The following EPHA7 variants were observed in gnomAD, a reference collection of about 807,000 sequenced individuals.
EPHA7 encodes EPH receptor A7.
Under a neutral mutation model 112.6 loss-of-function variants are expected in EPHA7, and 25 were observed. The observed-to-expected ratio is 0.22, with a 90% confidence interval of 0.16 to 0.31. The LOEUF is 0.31. Ranked by LOEUF, EPHA7 falls within the 10% of genes least tolerant of loss-of-function variation. The pLI, the probability that EPHA7 is intolerant of heterozygous loss-of-function variation, is 1.00. For synonymous variants in EPHA7, 437 were observed against 406.5 expected, an observed-to-expected ratio of 1.07 and a Z score of -0.90; for missense variants, 962 against 1,212.6, an observed-to-expected ratio of 0.79 and a Z score of 3.07.
intron 5 of EPHA7, among the ~76,000 whole-genome samples, chr6:93,304,202 T>C (rs1424676015): frequency 6.6e-6 from 1 of 150,492 alleles, no homozygotes; most frequent in East Asian, 1.9e-4. Flanking sequence ...TAGTATACAT[T>C]GAGCAAGTAT....
At chr6:93,395,036 T>G (rs1336165021) in intron 3 of EPHA7, among the ~76,000 whole-genome samples, 2 of 151,856 alleles carry the variant, frequency 1.3e-5, no homozygotes, top group Non-Finnish European at 2.9e-5. Context: ...TGAGAATTTT[T>G]TTTACAGTAC....
chr6:93,376,635 A>G (rs1777072860), intron 3 of EPHA7, among the ~76,000 whole-genome samples: 1 of 152,164 alleles, frequency 6.6e-6, no homozygotes, highest in Non-Finnish European at 1.5e-5. Context: ...TGTCTTCCGT[A>G]TCAATGTATT....
At chr6:93,312,625 C>G (rs76401614) in intron 5 of EPHA7, among the ~76,000 whole-genome samples, 1 of 152,160 alleles carries the variant, frequency 6.6e-6, no homozygotes, top group East Asian at 1.9e-4. Flanking sequence ...TTCGTGTATT[C>G]ACTGAAGTAG....
At chr6:93,311,293 T>C (rs1393634589) in intron 5 of EPHA7, among the ~76,000 whole-genome samples, 1 of 151,866 alleles carries the variant, frequency 6.6e-6, no homozygotes, top group Non-Finnish European at 1.5e-5. Flanking sequence ...ACAGCAGAAG[T>C]TCTTTCAAAA....
chr6:93,348,282 C>T (rs1192518897), intron 5 of EPHA7, among the ~76,000 whole-genome samples: 1 of 151,458 alleles, frequency 6.6e-6, no homozygotes, highest in Non-Finnish European at 1.5e-5. Context: ...GTGCTGTAGC[C>T]TTAAAGCTGT....
chr6:93,294,942 T>C lies in EPHA7; in HGVS notation c.1325-22520A>G, dbSNP rs142337875. ...TTAATGGTCTTCTCAAAGATTAATA[T>C]TGAAAAGTTTTGAATTGACTTTTTC... On this transcript the variant is annotated intron_variant, in intron 5 of 16. Coordinates refer to ENST00000369303, the MANE Select transcript of EPHA7 (RefSeq NM_004440.4). Among the ~76,000 whole-genome samples, 436 of 152,202 alleles carry C rather than the reference T, an allele frequency of 2.9e-3. 1 individual carries two copies. Among genetic ancestry groups the C allele is most frequent in the African/African-American group, 9.8e-3 (408 of 41,556 alleles).
intron 15 of EPHA7, among the ~76,000 whole-genome samples, chr6:93,245,998 G>A (rs1229076422): frequency 6.6e-6 from 1 of 152,074 alleles, no homozygotes; most frequent in Non-Finnish European, 1.5e-5. Flanking sequence ...TGCAAAGGAT[G>A]AATGGACTCT....
intron 3 of EPHA7, among the ~76,000 whole-genome samples, chr6:93,402,982 A>C (rs1778502776): frequency 6.6e-6 from 1 of 152,076 alleles, no homozygotes. Context: ...GACAGTAAGA[A>C]AGCATGAGAA....
intron 3 of EPHA7, among the ~76,000 whole-genome samples, chr6:93,364,983 C>A (rs938615984): frequency 2.6e-5 from 4 of 152,078 alleles, no homozygotes; most frequent in African/African-American, 9.7e-5. Context: ...GATTGAATTT[C>A]TGAATAGATA....
chr6:93,246,688 T>A, intron 15 of EPHA7, 104 bp downstream of exon 15: 1 of 988,416 alleles, frequency 1.0e-6, no homozygotes, highest in Non-Finnish European at 1.5e-6. Context: ...AGTTTATACG[T>A]CAACACAAAA....
intron 5 of EPHA7, among the ~76,000 whole-genome samples, chr6:93,339,825 CTTTGGGGAATG>C (rs71542013): frequency 0.2 from 29,868 of 151,486 alleles, 3,564 homozygotes; most frequent in Non-Finnish European, 0.27. Context: ...AGTAAAATAA[CTTTGGGGAATG>C]TTTCTGGTTA....
intron 3 of EPHA7, among the ~76,000 whole-genome samples, chr6:93,364,535 CAAAAAA>C (rs35503890): frequency 1.1e-5 from 1 of 90,368 alleles, no homozygotes; most frequent in Non-Finnish European, 2.3e-5. Flanking sequence ...AACTCCGTCT[CAAAAAA>C]AAAAAAAAAA....
intron 5 of EPHA7, among the ~76,000 whole-genome samples, chr6:93,334,682 T>C (rs1430239792): frequency 1.3e-5 from 2 of 152,110 alleles, no homozygotes; most frequent in Non-Finnish European, 2.9e-5. Context: ...GCATTTCTGC[T>C]ACTGTGCATA....
chr6:93,272,280 GTTGCTCT>G lies in EPHA7; in HGVS notation c.1449+11_1449+17del, dbSNP rs758790892. On this transcript the variant is annotated intron_variant, in intron 6 of 16. Coordinates refer to ENST00000369303, the MANE Select transcript of EPHA7 (RefSeq NM_004440.4). ...GACACACAGCACATTGTACATTTCA[GTTGCTCT>G]TAGCACTTACTTTCTCGTAATACTT... is the stretch of plus-strand genomic sequence containing the variant. 1 of 1,610,556 alleles carries G rather than the reference GTTGCTCT, an allele frequency of 6.2e-7. No individual in the cohort carries two copies. The highest frequency in any genetic ancestry group is 8.5e-7 in the Non-Finnish European group (1 of 1,177,688).
At chr6:93,291,418 A>G (rs1337125744) in intron 5 of EPHA7, among the ~76,000 whole-genome samples, 2 of 152,208 alleles carry the variant, frequency 1.3e-5, no homozygotes. Flanking sequence ...GGCAAATAAA[A>G]TATTTGACAA....
At chr6:93,415,214 T>C (rs1230138288) in intron 1 of EPHA7, among the ~76,000 whole-genome samples, 2 of 151,984 alleles carry the variant, frequency 1.3e-5, no homozygotes, top group Non-Finnish European at 2.9e-5. Context: ...CTATTGTCTT[T>C]TGAGAATTGG....
At chr6:93,400,594 C>A (rs1778392933) in intron 3 of EPHA7, among the ~76,000 whole-genome samples, 1 of 151,932 alleles carries the variant, frequency 6.6e-6, no homozygotes, top group Non-Finnish European at 1.5e-5. Context: ...GCAGTGGTAC[C>A]ATTATCACTC....
At chr6:93,362,724 C>A (rs1776319551) in intron 3 of EPHA7, among the ~76,000 whole-genome samples, 1 of 152,040 alleles carries the variant, frequency 6.6e-6, no homozygotes, top group African/African-American at 2.4e-5. Flanking sequence ...AATGAACAAT[C>A]CTAAAGGCCA....
chr6:93,363,920 G>T (rs1022029094), intron 3 of EPHA7, among the ~76,000 whole-genome samples: 4 of 152,240 alleles, frequency 2.6e-5, no homozygotes, highest in Middle Eastern at 3.4e-3. Flanking sequence ...TTTAAAACAT[G>T]CTACATAAGA....
Sources: gnomAD v4.1 joint callset for allele counts (sites outside exome capture counted in the v4.1 genomes callset) on GRCh38, gnomAD v4.1.1 for gene constraint, MANE v1.5 for transcripts, NCBI Gene and HGNC (gene_info 2026-07-23, HGNC 2026-07-21) for gene names.